The following SAFB variants were observed in gnomAD, a reference collection of about 807,000 sequenced individuals.
SAFB encodes scaffold attachment factor B, also known as scaffold attachment factor B1.
SAFB carries 15 observed loss-of-function variants against 101.6 expected under a neutral mutation model. That is an observed-to-expected ratio of 0.15 (90% CI 0.10 to 0.23). SAFB has a LOEUF of 0.23. Ranked by LOEUF, SAFB falls within the 10% of genes least tolerant of loss-of-function variation. SAFB has a pLI of 1.00. For missense variants in SAFB, 930 were observed against 1,104.1 expected (o/e 0.84, Z 2.23); for synonymous variants, 449 against 407.5 (o/e 1.10, Z -1.23).
intron 4 of SAFB, among the ~76,000 whole-genome samples, chr19:5,644,653 C>T (rs1466979055): frequency 1.3e-5 from 2 of 152,150 alleles, no homozygotes; most frequent in East Asian, 1.9e-4. Flanking sequence ...TATCTGAAAA[C>T]GTCTCCCCCT....
At chr19:5,644,566 T>C (rs1334492941) in intron 4 of SAFB, among the ~76,000 whole-genome samples, 1 of 152,238 alleles carries the variant, frequency 6.6e-6, no homozygotes, top group Non-Finnish European at 1.5e-5. Context: ...TGGGCTTTTG[T>C]ACCTTTTGAG....
intron 14 of SAFB, among the ~76,000 whole-genome samples, chr19:5,657,600 C>T (rs899179196): frequency 1.3e-5 from 2 of 152,092 alleles, no homozygotes; most frequent in Non-Finnish European, 2.9e-5. Flanking sequence ...GGCGTGACCT[C>T]GGCTCACTGC....
intron 2 of SAFB, among the ~76,000 whole-genome samples, chr19:5,634,935 T>C (rs2053563335): frequency 6.6e-6 from 1 of 152,040 alleles, no homozygotes; most frequent in African/African-American, 2.4e-5. Flanking sequence ...GTAAAGAGTT[T>C]GAGACCAGCC....
intron 8 of SAFB, 38 bp from the exon 9 acceptor site, chr19:5,650,940 G>C: frequency 2.4e-6 from 3 of 1,225,750 alleles, no homozygotes; most frequent in Non-Finnish European, 3.6e-6. Context: ...AGATCTTGTG[G>C]GTATTTGGGT....
rs1213380407 is a variant in SAFB, at chr19:5,653,361, G to A, written c.1467G>A (p.Lys489=). 5 of 1,614,078 alleles carry A rather than the reference G, an allele frequency of 3.1e-6. No homozygotes were observed. Among genetic ancestry groups the A allele is most frequent in the East Asian group, 2.2e-5 (1 of 44,900 alleles). ...AGGCCAAAAATGAACCTGTGGGAAA[G>A]AAAACCTCTGACAAAAGAGACAGTG... ...VEKAKNEPVG[K]KTSDKRDSDG... is the part of the protein sequence containing the mutation. Residue 489 remains lysine (K), a synonymous_variant, in exon 11 of 21, where the codon AAG becomes AAA. Transcript: ENST00000588852.
chr19:5,662,839 G>A lies in SAFB; in HGVS notation c.2153+1031G>A, dbSNP rs377358459. Among the ~76,000 whole-genome samples the A allele has an allele frequency of 7.3e-5, 11 of 150,864 alleles. No individual in the cohort carries two copies. The South Asian group carries it at 1.7e-3, about 23-fold the overall frequency. The stretch of plus-strand genomic sequence containing the variant: ...TTTTTTTTAGTAGAGATGGGGTTTT[G>A]CCATGTTGGTCAGGCTGATCTCAAA... On this transcript the variant is annotated intron_variant, in intron 15 of 20. Transcript: ENST00000588852.
chr19:5,647,894 G>T, intron 5 of SAFB, 122 bp from the exon 6 acceptor site: 1 of 883,066 alleles, frequency 1.1e-6, no homozygotes. Context: ...TCCACCTCTT[G>T]AGTTTGTGAG....
intron 2 of SAFB, among the ~76,000 whole-genome samples, chr19:5,628,992 CGCAGTCATAGTTCGCT>C (rs2053429824): frequency 6.6e-6 from 1 of 152,094 alleles, no homozygotes; most frequent in Non-Finnish European, 1.5e-5. Context: ...AGGGTAGTCG[CGCAGTCATAGTTCGCT>C]GCAGCCTTGA....
intron 9 of SAFB, 149 bp downstream of exon 9, chr19:5,651,221 G>A (rs1425114167): frequency 1.8e-6 from 1 of 551,850 alleles, no homozygotes; most frequent in South Asian, 2.7e-5. Context: ...CCGTCCACAG[G>A]TAGAGGTGAG....
intron 14 of SAFB, among the ~76,000 whole-genome samples, chr19:5,660,342 CTTTTTTTTTTTTTTTTT>C (rs11360129): frequency 2.0e-5 from 1 of 50,904 alleles, no homozygotes; most frequent in East Asian, 9.0e-4. Flanking sequence ...CTGCACACAC[CTTTTTTTTTTTTTTTTT>C]TTTTTTTTTT....
chr19:5,648,000 A>G lies in SAFB; in HGVS notation c.610-16A>G, dbSNP rs1568264865. ...TCATTCATCTGGCACAGTCTTATTT[A>G]CGTTTTTTCTTGCAGGAAATTGAAG... On this transcript the variant is annotated splice_polypyrimidine_tract_variant and intron_variant, in intron 5 of 20. Transcript: ENST00000588852. The G allele has an allele frequency of 1.9e-6, 3 of 1,610,516 alleles. No homozygotes were observed. The South Asian group carries it at 3.3e-5, about 18-fold the overall frequency.
At chr19:5,636,760 G>T (rs2053603602) in intron 2 of SAFB, among the ~76,000 whole-genome samples, 1 of 151,878 alleles carries the variant, frequency 6.6e-6, no homozygotes. Flanking sequence ...CCCAGGCTGA[G>T]TGCAGTGGCA....
At position 5,667,832 on chromosome 19, in the gene SAFB, G is replaced by A. The variant is rs1331617619; in HGVS notation, c.2570G>A (p.Ser857Asn). The change falls in exon 20 of 21, where the codon AGC (serine) becomes AAC (asparagine). Residue 857 changes from serine (S) to asparagine (N), a missense_variant. Around this residue, in one of 7 missense-constraint regions of SAFB, gnomAD observed 318 missense variants for 342.6 expected, o/e 0.93. Transcript: ENST00000588852. This position sits in a 1 kb window ranked among gnomAD's most constrained non-coding sequence, Gnocchi z 4.0. ...DHKRWQGGER[S>N]MSGHSGPGHM... ...GTCTGTCTTCCAGGTGGCGAGAGAA[G>A]CATGTCCGGTCACTCCGGGCCTGGC... The A allele has an allele frequency of 6.2e-7, 1 of 1,614,048 alleles. No individual in the cohort carries two copies. The highest frequency in any genetic ancestry group is 8.5e-7 in the Non-Finnish European group (1 of 1,179,952).
Position 5,661,591 on chromosome 19 carries a change from G to A in SAFB, c.1936G>A (p.Glu646Lys), listed in dbSNP as rs765885000. 6.2e-7 allele frequency: 1 copy of A among 1,612,726 alleles called. No individual in the cohort carries two copies. Among genetic ancestry groups the A allele is most frequent in the East Asian group, 2.2e-5 (1 of 44,878 alleles). Residue 646 changes from glutamate to lysine, a missense_variant, in exon 15 of 21, where the codon GAG becomes AAG. Around this residue, in one of 7 missense-constraint regions of SAFB, gnomAD observed 159 missense variants for 234.1 expected, o/e 0.68. Transcript: ENST00000588852. ...GGAGCGCGAGGAGCGTGAGCGGCTG[G>A]AGATTGCCCGAGAGAGGCTGGCCTT... is the stretch of plus-strand genomic sequence containing the variant. ...QWEREERERL[E>K]IARERLAFQR...
intron 5 of SAFB, among the ~76,000 whole-genome samples, chr19:5,646,887 G>C (rs2053838556): frequency 6.6e-6 from 1 of 152,200 alleles, no homozygotes; most frequent in Admixed American, 6.5e-5. Flanking sequence ...CACGGCCTTT[G>C]CTCAGAGCCT....
At chr19:5,631,165 G>C (rs902285433) in intron 2 of SAFB, among the ~76,000 whole-genome samples, 1 of 152,182 alleles carries the variant, frequency 6.6e-6, no homozygotes, top group African/African-American at 2.4e-5. Context: ...ACTCCAGCCT[G>C]GGCAACAGTG....
chr19:5,623,194 A>G lies in SAFB; in HGVS notation c.-12A>G, dbSNP rs771802660. ...TCTGTGGAAAGTGGGCGGCGGAGCC[A>G]GGGTCCCTGGAATGGCGGAGACTCT... is the stretch of plus-strand genomic sequence containing the variant. On this transcript the variant is annotated 5_prime_UTR_variant, in exon 1 of 21. Coordinates refer to ENST00000588852, the MANE Select transcript of SAFB (RefSeq NM_001201338.2). The G allele has an allele frequency of 1.1e-5, 17 of 1,572,548 alleles. No homozygotes were observed. Among genetic ancestry groups the G allele is most frequent in the Non-Finnish European group, 1.3e-5 (15 of 1,160,018 alleles).
At chr19:5,662,438 G>C (rs1283943256) in intron 15 of SAFB, among the ~76,000 whole-genome samples, 1 of 151,478 alleles carries the variant, frequency 6.6e-6, no homozygotes, top group Admixed American at 6.6e-5. Flanking sequence ...AGGTTGCAGT[G>C]AGCCAAGATC....
At chr19:5,635,404 A>G (rs1350525504) in intron 2 of SAFB, among the ~76,000 whole-genome samples, 1 of 152,094 alleles carries the variant, frequency 6.6e-6, no homozygotes, top group East Asian at 1.9e-4. Flanking sequence ...TTCCATATGT[A>G]TCATATAATG....
Sources: allele counts gnomAD v4.1 joint callset (sites outside exome capture counted in the v4.1 genomes callset), GRCh38; gene constraint gnomAD v4.1.1; regional missense constraint gnomAD v4.1.1; non-coding constraint Gnocchi (gnomAD v3.1); transcripts MANE v1.5; gene names NCBI Gene and HGNC (gene_info 2026-07-23, HGNC 2026-07-21).